The following CPA6 variants were observed in gnomAD, a reference collection of about 807,000 sequenced individuals.
The protein encoded by CPA6 is carboxypeptidase B.
Under a neutral mutation model 63.3 loss-of-function variants are expected in CPA6, and 58 were observed. The ratio of observed to expected loss-of-function variants is 0.92; its 90% CI spans 0.74 to 1.14. The LOEUF (loss-of-function observed/expected upper bound fraction) is 1.14, where lower values mean the gene tolerates loss of function less well. CPA6 is among the 50% of genes most tolerant of loss of function. The pLI, the probability that CPA6 is intolerant of heterozygous loss-of-function variation, is 0.00. For synonymous variants in CPA6, 185 were observed against 179.0 expected (o/e 1.03, Z -0.27); for missense variants, 565 against 526.6 (o/e 1.07, Z -0.71).
chr8:67,589,195 TG>T (rs1814036107), intron 2 of CPA6, among the ~76,000 whole-genome samples: 1 of 152,128 alleles, frequency 6.6e-6, no homozygotes, highest in Non-Finnish European at 1.5e-5. Context: ...GCTAAGAATG[TG>T]GTAGTTTTAT....
intron 2 of CPA6, among the ~76,000 whole-genome samples, chr8:67,589,979 G>A (rs900024008): frequency 1.7e-4 from 26 of 151,860 alleles, no homozygotes; most frequent in African/African-American, 5.8e-4. Flanking sequence ...ATGCTGGTGT[G>A]CTGCACCCAT....
At chr8:67,573,717 C>G (rs1294105936) in intron 2 of CPA6, among the ~76,000 whole-genome samples, 4 of 151,076 alleles carry the variant, frequency 2.6e-5, no homozygotes, top group Admixed American at 2.0e-4. Context: ...ACGGTGAAAC[C>G]CTGTCTCTAC....
At chr8:67,654,114 C>G (rs1052721460) in intron 1 of CPA6, among the ~76,000 whole-genome samples, 1 of 152,100 alleles carries the variant, frequency 6.6e-6, no homozygotes, top group Non-Finnish European at 1.5e-5. Context: ...GGTGGATAAG[C>G]TTTTTGATGT....
chr8:67,461,310 T>G (rs1315514059), intron 8 of CPA6, among the ~76,000 whole-genome samples: 4 of 145,490 alleles, frequency 2.7e-5, no homozygotes, highest in South Asian at 2.3e-4. Flanking sequence ...AAGCACATCT[T>G]GCACCGCCCT....
At chr8:67,635,481 A>T (rs1815447048) in intron 1 of CPA6, among the ~76,000 whole-genome samples, 1 of 151,710 alleles carries the variant, frequency 6.6e-6, no homozygotes, top group African/African-American at 2.4e-5. Flanking sequence ...TATAAAAGAA[A>T]AAGGGGCTGG....
chr8:67,559,689 G>C (rs1335563177), intron 2 of CPA6, among the ~76,000 whole-genome samples: 1 of 151,890 alleles, frequency 6.6e-6, no homozygotes, highest in Admixed American at 6.6e-5. Flanking sequence ...TCCTTTTAAG[G>C]CTTTGATGAA....
At chr8:67,431,812 G>A (rs1810033758) in intron 9 of CPA6, among the ~76,000 whole-genome samples, 2 of 152,042 alleles carry the variant, frequency 1.3e-5, no homozygotes, top group African/African-American at 4.8e-5. Context: ...TTCTTGGAAT[G>A]CCAAGAACAA....
At chr8:67,489,923 T>C (rs1165920257) in intron 6 of CPA6, among the ~76,000 whole-genome samples, 2 of 152,218 alleles carry the variant, frequency 1.3e-5, no homozygotes, top group Non-Finnish European at 2.9e-5. Context: ...TCTAGTATTC[T>C]ATTCTGGAAA....
At chr8:67,616,156 C>A (rs1181871913) in intron 2 of CPA6, among the ~76,000 whole-genome samples, 1 of 152,226 alleles carries the variant, frequency 6.6e-6, no homozygotes, top group Non-Finnish European at 1.5e-5. Context: ...CTCACCTGAG[C>A]AACTGAGTCA....
At chr8:67,740,781 G>T (rs139552679) in intron 1 of CPA6, among the ~76,000 whole-genome samples, 1,734 of 152,172 alleles carry the variant, frequency 0.011, 31 homozygotes, top group African/African-American at 0.039. Context: ...TGTTAGCCAG[G>T]ATGGTCTCGA....
chr8:67,599,221 G>A (rs1008106136), intron 2 of CPA6, among the ~76,000 whole-genome samples: 9 of 152,170 alleles, frequency 5.9e-5, no homozygotes, highest in South Asian at 2.1e-4. Context: ...AGTAGTGCTC[G>A]CCTAAAACTG....
At chr8:67,720,621 C>T (rs1471050269) in intron 1 of CPA6, among the ~76,000 whole-genome samples, 1 of 152,106 alleles carries the variant, frequency 6.6e-6, no homozygotes, top group Non-Finnish European at 1.5e-5. Flanking sequence ...ACTGCGAGGG[C>T]CACATTTATT....
intron 5 of CPA6, among the ~76,000 whole-genome samples, chr8:67,507,998 T>TG (rs1811965470): frequency 1.5e-5 from 2 of 134,024 alleles, no homozygotes; most frequent in South Asian, 2.4e-4. Flanking sequence ...TATGGGGTGC[T>TG]TTGTGTGTGT....
intron 1 of CPA6, among the ~76,000 whole-genome samples, chr8:67,653,861 T>C (rs2128991804): frequency 6.6e-6 from 1 of 152,092 alleles, no homozygotes; most frequent in East Asian, 1.9e-4. Flanking sequence ...CCATTCAGTA[T>C]GATATTGGCT....
chr8:67,488,465 ACAGTTTGAAGT>A (rs2128961910), intron 6 of CPA6, among the ~76,000 whole-genome samples: 1 of 152,248 alleles, frequency 6.6e-6, no homozygotes, highest in South Asian at 2.1e-4. Context: ...GCCTTGTAGT[ACAGTTTGAAGT>A]CAGGTAGCCT....
At chr8:67,437,099 T>C (rs142321541) in intron 8 of CPA6, among the ~76,000 whole-genome samples, 1 of 152,112 alleles carries the variant, frequency 6.6e-6, no homozygotes, top group East Asian at 1.9e-4. Context: ...GAATGTAATA[T>C]AAAAACTATA....
At chr8:67,502,379 C>T (rs1479331525) in intron 6 of CPA6, among the ~76,000 whole-genome samples, 1 of 152,192 alleles carries the variant, frequency 6.6e-6, no homozygotes, top group East Asian at 1.9e-4. Context: ...GAAAGATTTG[C>T]ATGGGCCTGG....
chr8:67,697,944 T>C (rs540522934), intron 1 of CPA6, among the ~76,000 whole-genome samples: 11 of 152,200 alleles, frequency 7.2e-5, no homozygotes, highest in Non-Finnish European at 1.2e-4. Flanking sequence ...CATGGTTGTA[T>C]GGCAGCAAGT....
chr8:67,630,295 C>G (rs1815294639), intron 1 of CPA6, among the ~76,000 whole-genome samples: 1 of 152,016 alleles, frequency 6.6e-6, no homozygotes, highest in South Asian at 2.1e-4. Flanking sequence ...CCCATGCTCA[C>G]TCAGCCTGGG....
Sources: gnomAD v4.1 joint callset for allele counts (sites outside exome capture counted in the v4.1 genomes callset) on GRCh38, gnomAD v4.1.1 for gene constraint, MANE v1.5 for transcripts, NCBI Gene and HGNC (gene_info 2026-07-23, HGNC 2026-07-21) for gene names.